The following PARD3 variants were observed in gnomAD, a reference collection of about 807,000 sequenced individuals.
PARD3 encodes partitioning defective 3 homolog.
PARD3 carries 75 observed loss-of-function variants against 155.4 expected under a neutral mutation model. The observed-to-expected ratio is 0.48, with a 90% CI of 0.40 to 0.58. The LOEUF (loss-of-function observed/expected upper bound fraction) is 0.58, where lower values mean the gene tolerates loss of function less well. PARD3 is among the 20% of genes least tolerant of loss of function. The pLI is 0.00. For missense variants in PARD3, 1,642 were observed against 1,721.7 expected, an observed-to-expected ratio of 0.95 and a Z score of 0.82; for synonymous variants, 576 against 610.5, an observed-to-expected ratio of 0.94 and a Z score of 0.83.
intron 3 of PARD3, among the ~76,000 whole-genome samples, chr10:34,477,751 G>C (rs977203611): frequency 1.3e-5 from 2 of 152,164 alleles, no homozygotes; most frequent in African/African-American, 4.8e-5. Flanking sequence ...CTGCCAAGAA[G>C]ACAGGCATAA....
At chr10:34,659,657 T>C (rs1387045120) in intron 2 of PARD3, among the ~76,000 whole-genome samples, 1 of 152,180 alleles carries the variant, frequency 6.6e-6, no homozygotes, top group Non-Finnish European at 1.5e-5. Context: ...GTGAATCAAT[T>C]TACATTTTTA....
chr10:34,339,872 A>G (rs1836613278), intron 16 of PARD3, among the ~76,000 whole-genome samples: 1 of 152,206 alleles, frequency 6.6e-6, no homozygotes, highest in South Asian at 2.1e-4. Flanking sequence ...ATATTTAACA[A>G]GTTAGATGGC....
At chr10:34,526,857 T>C (rs2082522322) in intron 2 of PARD3, among the ~76,000 whole-genome samples, 2 of 152,226 alleles carry the variant, frequency 1.3e-5, no homozygotes. Context: ...ATTCCGTCTC[T>C]ACCATCAAGT....
intron 20 of PARD3, among the ~76,000 whole-genome samples, chr10:34,296,326 G>C (rs1318750115): frequency 4.6e-5 from 7 of 151,880 alleles, no homozygotes; most frequent in African/African-American, 1.2e-4. Flanking sequence ...CAAACTCCTG[G>C]GTTCAAGAAT....
chr10:34,434,379 C>A (rs528273148), intron 5 of PARD3, among the ~76,000 whole-genome samples: 1 of 152,350 alleles, frequency 6.6e-6, no homozygotes, highest in African/African-American at 2.4e-5. Context: ...CTCATCTTAT[C>A]TCATCCTCAC....
rs917807052 is a variant in PARD3 at position 34,344,917 on chromosome 10, A to G, written c.2218+3048T>C. ...TCAAGTTAATTAATGTATTTGCTCC[A>G]TAACTCCCCGACATATAAGGTAAGT... On this transcript the variant is annotated intron_variant, in intron 15 of 24. Coordinates refer to ENST00000374788, the MANE Select transcript of PARD3 (RefSeq NM_001184785.2). 8.1e-6 allele frequency: 8 copies of G among 985,324 alleles called. No individual in the cohort carries two copies. In the African/African-American group the frequency reaches 1.4e-4, roughly 17 times the overall value. 61.0% of individuals were successfully genotyped at this position (985,324 alleles called of 1,614,324 possible). A position where few individuals can be genotyped will look rare whatever the true frequency, so the allele number is the denominator to read the frequency against.
chr10:34,727,254 T>C (rs1482803909), intron 1 of PARD3, among the ~76,000 whole-genome samples: 2 of 152,118 alleles, frequency 1.3e-5, no homozygotes, highest in Non-Finnish European at 2.9e-5. Flanking sequence ...ATGAACCCTA[T>C]CTAAGGAACA....
intron 2 of PARD3, among the ~76,000 whole-genome samples, chr10:34,592,596 T>G (rs1354071296): frequency 2.6e-5 from 4 of 152,038 alleles, no homozygotes; most frequent in African/African-American, 9.7e-5. Context: ...GCCAACATGG[T>G]GAAACCCTGT....
At chr10:34,679,519 T>C (rs1046736657) in intron 2 of PARD3, among the ~76,000 whole-genome samples, 2 of 152,168 alleles carry the variant, frequency 1.3e-5, no homozygotes, top group African/African-American at 4.8e-5. Context: ...GTTAAGCTCT[T>C]TGAAAACTCT....
intron 22 of PARD3, among the ~76,000 whole-genome samples, chr10:34,153,513 T>C (rs1948870584): frequency 6.6e-6 from 1 of 152,192 alleles, no homozygotes; most frequent in African/African-American, 2.4e-5. Flanking sequence ...TATTACAAGA[T>C]TAGTACATTT....
intron 15 of PARD3, chr10:34,346,090 C>T (rs1233859563): frequency 1.0e-6 from 1 of 997,464 alleles, no homozygotes; most frequent in Non-Finnish European, 1.2e-6. Flanking sequence ...GCATACACAT[C>T]ACAAAACACA....
intron 5 of PARD3, among the ~76,000 whole-genome samples, chr10:34,405,995 T>C (rs945930269): frequency 6.6e-6 from 1 of 152,162 alleles, no homozygotes; most frequent in Non-Finnish European, 1.5e-5. Flanking sequence ...TGTGTATATA[T>C]ACATATACAA....
rs1314677061 is a variant in PARD3, at chr10:34,157,714, GGTT to G, written c.3420-26134_3420-26132del. Among the ~76,000 whole-genome samples the G allele has an allele frequency of 2.0e-5, 3 of 152,126 alleles. No homozygotes were observed. The East Asian group carries it at 5.8e-4, about 29-fold the overall frequency. ...AAACCATCATCTGCTTCCTATAGAGGGTTCCCTATTCCCAATGACACATGCCCA... is the reference window on the plus strand; with the variant it reads ...AAACCATCATCTGCTTCCTATAGAGGCCCTATTCCCAATGACACATGCCCA... On this transcript the variant is annotated intron_variant, in intron 22 of 24. Transcript: ENST00000374788.
At chr10:34,766,299 G>C (rs1838077299) in intron 1 of PARD3, among the ~76,000 whole-genome samples, 1 of 152,216 alleles carries the variant, frequency 6.6e-6, no homozygotes, top group African/African-American at 2.4e-5. Context: ...TAGCAGGTCA[G>C]AAGTGGGTAT....
At chr10:34,287,008 C>T (rs1956427980) in intron 20 of PARD3, among the ~76,000 whole-genome samples, 1 of 152,014 alleles carries the variant, frequency 6.6e-6, no homozygotes, top group African/African-American at 2.4e-5. Context: ...AAGGAGTTAC[C>T]GTCCAGCAAG....
At chr10:34,681,403 G>A (rs1181404358) in intron 2 of PARD3, among the ~76,000 whole-genome samples, 2 of 151,948 alleles carry the variant, frequency 1.3e-5, no homozygotes, top group Non-Finnish European at 2.9e-5. Flanking sequence ...CCTCTTTGGG[G>A]AGGGAGAGAA....
intron 2 of PARD3, among the ~76,000 whole-genome samples, chr10:34,691,516 G>A (rs1322489849): frequency 6.6e-6 from 1 of 152,154 alleles, no homozygotes; most frequent in Non-Finnish European, 1.5e-5. Flanking sequence ...TGGCCACACT[G>A]TCCAAAGCAA....
intron 23 of PARD3, among the ~76,000 whole-genome samples, chr10:34,127,653 A>C (rs1947358691): frequency 6.6e-6 from 1 of 152,200 alleles, no homozygotes; most frequent in African/African-American, 2.4e-5. Context: ...TCCCAGGCAA[A>C]GTCAAATGGC....
intron 2 of PARD3, among the ~76,000 whole-genome samples, chr10:34,668,073 GA>G (rs2093532108): frequency 6.6e-6 from 1 of 152,014 alleles, no homozygotes; most frequent in Non-Finnish European, 1.5e-5. Context: ...GGTCAAGGTG[GA>G]AAAATAAGCA....
Sources: allele counts gnomAD v4.1 joint callset (sites outside exome capture counted in the v4.1 genomes callset), GRCh38; gene constraint gnomAD v4.1.1; transcripts MANE v1.5; gene names NCBI Gene and HGNC (gene_info 2026-07-23, HGNC 2026-07-21).